Variants in EML5 observed in about 807,000 individuals in gnomAD.
EML5 encodes the protein EMAP like 5, also known as echinoderm microtubule-associated protein-like 5.
In EML5, 120 loss-of-function variants were observed where a neutral mutation model predicts 250.0. The ratio of observed to expected loss-of-function variants is 0.48; its 90% CI spans 0.41 to 0.56. The LOEUF is 0.56. Among genes scored for constraint, EML5 ranks in the 20% least tolerant of loss-of-function variants. The pLI is 0.00. For synonymous variants in EML5, 771 were observed against 806.5 expected (o/e 0.96, Z 0.75); for missense variants, 2,006 against 2,437.6 (o/e 0.82, Z 3.73).
chr14:88,752,739 A>G (rs1039505056), intron 2 of EML5, among the ~76,000 whole-genome samples: 2 of 152,198 alleles, frequency 1.3e-5, no homozygotes, highest in African/African-American at 2.4e-5. Flanking sequence ...CCTTTGCCAA[A>G]ATCACTCTGG....
At chr14:88,664,160 C>T (rs891831839) in intron 23 of EML5, among the ~76,000 whole-genome samples, 7 of 151,102 alleles carry the variant, frequency 4.6e-5, no homozygotes, top group African/African-American at 1.7e-4. Flanking sequence ...TGCCTGTAGT[C>T]CCAGCACTCA....
intron 27 of EML5, among the ~76,000 whole-genome samples, chr14:88,656,023 T>C (rs1451875223): frequency 1.3e-5 from 2 of 152,124 alleles, no homozygotes; most frequent in East Asian, 3.9e-4. Flanking sequence ...TTGGTGGGAG[T>C]GTAAATTAGT....
Position 88,792,536 on chromosome 14 carries a change from CCCGCGGCGGCGACGGGAGG to C in EML5, c.-52_-34del, listed in dbSNP as rs1488166360. 2.3e-5 allele frequency: 29 copies of C among 1,245,238 alleles called. No homozygotes were observed. Among genetic ancestry groups the C allele is most frequent in the Non-Finnish European group, 2.7e-5 (27 of 989,936 alleles). The allele number at this position is 1,245,238 out of a possible 1,614,324, so 77.1% of individuals were successfully genotyped here. A position where few individuals can be genotyped will look rare whatever the true frequency, so the allele number is the denominator to read the frequency against. ...CGCCCACCCGCCGCTCCCGCTCGGG[CCCGCGGCGGCGACGGGAGG>C]CGGCGGCGGCCCGGCAACGAAAGCC... On this transcript the variant is annotated 5_prime_UTR_variant, in exon 1 of 44. Coordinates refer to ENST00000554922, the MANE Select transcript of EML5 (RefSeq NM_183387.3). This position sits in a 1 kb window ranked among gnomAD's most constrained non-coding sequence, Gnocchi z 6.9.
chr14:88,701,917 A>G (rs1315116758), intron 14 of EML5, among the ~76,000 whole-genome samples: 1 of 152,156 alleles, frequency 6.6e-6, no homozygotes, highest in Admixed American at 6.5e-5. Context: ...GAATCTATAA[A>G]CATCATTTCT....
intron 7 of EML5, among the ~76,000 whole-genome samples, chr14:88,731,809 C>T (rs913754937): frequency 1.1e-3 from 168 of 152,300 alleles, no homozygotes; most frequent in African/African-American, 3.8e-3. Flanking sequence ...TTGCATTTCT[C>T]TGATGGCCAG....
chr14:88,670,319 C>CA (rs34008480), intron 21 of EML5, among the ~76,000 whole-genome samples: 33,486 of 80,744 alleles, frequency 0.41, 6,175 homozygotes, highest in East Asian at 0.59. Flanking sequence ...GACTCCATCT[C>CA]AAAAAAAAAA....
In EML5 at chr14:88,773,595, T is replaced by C. The variant is rs532794337; in HGVS notation, c.197+18712A>G. On this transcript the variant is annotated intron_variant, in intron 1 of 43. Coordinates refer to ENST00000554922, the MANE Select transcript of EML5 (RefSeq NM_183387.3). The stretch of plus-strand genomic sequence containing the variant: ...TTTCAACCCTGCCTGCATATTACAA[T>C]CATTTGGGAAGCTTAAAAATTAAAA... Among the ~76,000 whole-genome samples the C allele has an allele frequency of 1.3e-3, 198 of 152,254 alleles. 3 individuals are homozygous for C. The highest frequency in any genetic ancestry group is 4.5e-3 in the African/African-American group (188 of 41,546).
At chr14:88,743,412 A>T (rs925833358) in intron 4 of EML5, among the ~76,000 whole-genome samples, 1 of 152,056 alleles carries the variant, frequency 6.6e-6, no homozygotes, top group African/African-American at 2.4e-5. Context: ...AAAAAAATTT[A>T]AAGGCTGAGG....
chr14:88,710,670 C>G (rs1468708037), intron 10 of EML5, among the ~76,000 whole-genome samples: 1 of 152,104 alleles, frequency 6.6e-6, no homozygotes, highest in Non-Finnish European at 1.5e-5. Context: ...ACTTACCTAG[C>G]TACAATCTCA....
intron 8 of EML5, among the ~76,000 whole-genome samples, chr14:88,722,474 TG>T (rs2093605241): frequency 6.6e-6 from 1 of 152,106 alleles, no homozygotes; most frequent in Non-Finnish European, 1.5e-5. Context: ...GGGACATGGA[TG>T]GAGCAAGAAG....
chr14:88,732,948 G>A (rs1342197332), intron 7 of EML5, among the ~76,000 whole-genome samples: 2 of 152,124 alleles, frequency 1.3e-5, no homozygotes, highest in African/African-American at 2.4e-5. Context: ...TTGGAAATTA[G>A]CTTCTACTGA....
rs139989882 is a variant in EML5 at position 88,691,739 on chromosome 14, A to T, written c.2539+2568T>A. ...TAAAACTATGCATTTAGAGGGTTAA[A>T]CAATAGTTAGGTTAAGTAAGTGGAT... On this transcript the variant is annotated intron_variant, in intron 17 of 43. Transcript: ENST00000554922. Among the ~76,000 whole-genome samples the T allele has an allele frequency of 6.0e-4, 91 of 152,330 alleles. 1 individual carries two copies. The East Asian group carries it at 0.015, about 26-fold the overall frequency.
At position 88,644,382 on chromosome 14, in the gene EML5, A is replaced by G. The variant is rs568426060; in HGVS notation, c.4107+51T>C. 9.0e-6 allele frequency: 14 copies of G among 1,557,756 alleles called. No individual in the cohort carries two copies. In the African/African-American group the frequency reaches 1.6e-4, roughly 18 times the overall value. ...ATGACAAAACTTGGGTGTTTTATAA[A>G]AAAGAACTCTGGATACATTTCAGTA... On this transcript the variant is annotated intron_variant, in intron 30 of 43. Transcript: ENST00000554922.
In EML5 at chr14:88,726,620, G is replaced by A. The variant is rs755261678; in HGVS notation, c.1108C>T (p.Arg370Cys). ...IARCNMEEPIRCAAVNADGIH... is the reference protein window; with the variant it reads ...IARCNMEEPICCAAVNADGIH... Reference sequence around the variant, plus strand: ...CCATCTGCATTGACAGCTGCACAACGAATTGGTTCTTCCATATTACACCTT... The same window carrying A: ...CCATCTGCATTGACAGCTGCACAACAAATTGGTTCTTCCATATTACACCTT... Residue 370 changes from arginine (R) to cysteine (C), a missense_variant, in exon 8 of 44, where the codon CGT (arginine) becomes TGT (cysteine). By Grantham distance (180) the Arg-to-Cys change is radical. This residue lies in a region of EML5 where 1,375 missense variants were observed against 1,590.3 expected (regional missense o/e 0.86). Transcript: ENST00000554922. 6.3e-6 allele frequency: 10 copies of A among 1,581,240 alleles called. No homozygotes were observed. Among genetic ancestry groups the A allele is most frequent in the South Asian group, 4.6e-5 (4 of 86,344 alleles).
chr14:88,696,840 G>A lies in EML5; in HGVS notation c.2344+7C>T, dbSNP rs755433517. On this transcript the variant is annotated splice_region_variant and intron_variant, in intron 15 of 43. Transcript: ENST00000554922. The stretch of plus-strand genomic sequence containing the variant: ...TTAATTCTTACTGAGACAGCAAACA[G>A]CCTTACCTGAGAAATCAACGGCACT... 1 of 1,591,718 alleles carries A rather than the reference G, an allele frequency of 6.3e-7. No individual in the cohort carries two copies. The highest frequency in any genetic ancestry group is 8.6e-7 in the Non-Finnish European group (1 of 1,169,150).
At chr14:88,648,446 C>T (rs1392070091) in intron 28 of EML5, among the ~76,000 whole-genome samples, 1 of 152,090 alleles carries the variant, frequency 6.6e-6, no homozygotes, top group Non-Finnish European at 1.5e-5. Flanking sequence ...TTTGACCTCC[C>T]ACGCTCCAGA....
At chr14:88,699,293 C>T (rs1390409650) in intron 14 of EML5, among the ~76,000 whole-genome samples, 1 of 151,572 alleles carries the variant, frequency 6.6e-6, no homozygotes, top group Non-Finnish European at 1.5e-5. Flanking sequence ...TCTCAGAAGG[C>T]AAAAAAATAG....
chr14:88,707,913 A>T (rs2093345247), intron 10 of EML5, among the ~76,000 whole-genome samples: 1 of 152,182 alleles, frequency 6.6e-6, no homozygotes, highest in South Asian at 2.1e-4. Flanking sequence ...GACATCAGAG[A>T]GTCTGAAAAG....
At chr14:88,692,325 C>T (rs1210519943) in intron 17 of EML5, among the ~76,000 whole-genome samples, 2 of 151,976 alleles carry the variant, frequency 1.3e-5, no homozygotes, top group African/African-American at 4.8e-5. Context: ...TGTAGTGAGC[C>T]GAGATCACAA....
Sources: allele counts gnomAD v4.1 joint callset (sites outside exome capture counted in the v4.1 genomes callset), GRCh38; gene constraint gnomAD v4.1.1; regional missense constraint gnomAD v4.1.1; non-coding constraint Gnocchi (gnomAD v3.1); transcripts MANE v1.5; gene names NCBI Gene and HGNC (gene_info 2026-07-23, HGNC 2026-07-21).